The following GLB1 variants were observed in gnomAD, a reference collection of about 807,000 sequenced individuals.
The protein encoded by GLB1 is galactosidase beta 1, also known as beta-galactosidase.
A neutral mutation model predicts 74.0 loss-of-function variants in GLB1; 56 were observed. The ratio of observed to expected loss-of-function variants is 0.76; its 90% CI spans 0.61 to 0.94. GLB1 has a LOEUF of 0.94. Ranked by LOEUF, GLB1 falls within the 40% of genes least tolerant of loss-of-function variation. The pLI is 0.00. For missense variants in GLB1, 787 were observed against 845.5 expected, an observed-to-expected ratio of 0.93 and a Z score of 0.86; for synonymous variants, 323 against 323.6, an observed-to-expected ratio of 1.00 and a Z score of 0.02.
At chr3:32,971,431 T>C in the GLB1 span, among the ~76,000 whole-genome samples, 15 of 152,318 alleles carry the variant, frequency 9.8e-5, no homozygotes, top group African/African-American at 2.6e-4. Context: ...CAAAAACTTA[T>C]TTGCTCAGCT....
intron 10 of GLB1, among the ~76,000 whole-genome samples, chr3:33,042,773 G>A (rs891637518): frequency 1.3e-5 from 2 of 152,162 alleles, no homozygotes; most frequent in African/African-American, 4.8e-5. Context: ...GCTGCATTCT[G>A]CCTGGAATGC....
At chr3:33,060,471 T>A (rs1165682163) in intron 5 of GLB1, among the ~76,000 whole-genome samples, 1 of 152,222 alleles carries the variant, frequency 6.6e-6, no homozygotes, top group East Asian at 1.9e-4. Flanking sequence ...GTCTCCTTTT[T>A]ATCATCTGGC....
At chr3:33,091,862 C>G in intron 1 of GLB1, 1 of 985,454 alleles carries the variant, frequency 1.0e-6, no homozygotes, top group Non-Finnish European at 1.2e-6. Flanking sequence ...AACACGGGTG[C>G]TTATCTCCAT....
chr3:33,068,707 A>G, intron 3 of GLB1, 113 bp downstream of exon 3: 1 of 1,582,686 alleles, frequency 6.3e-7, no homozygotes, highest in Non-Finnish European at 8.6e-7. Context: ...TGCTGGGTAC[A>G]GTCCCAGGCC....
intron 9 of GLB1, among the ~76,000 whole-genome samples, chr3:33,050,956 C>T (rs1698948779): frequency 1.3e-5 from 2 of 152,210 alleles, no homozygotes; most frequent in African/African-American, 4.8e-5. Context: ...TGTCCAGGCG[C>T]AGTGGCTCAC....
At chr3:33,088,658 AC>A (rs773260869) in intron 1 of GLB1, among the ~76,000 whole-genome samples, 90 of 152,334 alleles carry the variant, frequency 5.9e-4, no homozygotes, top group African/African-American at 2.1e-3. Flanking sequence ...AATGGAAAAA[AC>A]ATCCTATGTT....
the GLB1 span, among the ~76,000 whole-genome samples, chr3:32,975,231 A>G: frequency 1.3e-5 from 2 of 152,000 alleles, no homozygotes; most frequent in Non-Finnish European, 2.9e-5. Context: ...ACAGGCATAC[A>G]CTACCATGCC....
intron 1 of GLB1, among the ~76,000 whole-genome samples, chr3:33,083,888 G>A (rs1294221486): frequency 2.0e-5 from 3 of 152,144 alleles, no homozygotes; most frequent in African/African-American, 2.4e-5. Context: ...ATCAGGTAAT[G>A]TGAACATCCC....
At chr3:33,022,251 A>G (rs1697520691) in intron 11 of GLB1, among the ~76,000 whole-genome samples, 1 of 152,180 alleles carries the variant, frequency 6.6e-6, no homozygotes, top group Non-Finnish European at 1.5e-5. Flanking sequence ...AACATAGTAA[A>G]TGCCTGGTAA....
At chr3:33,044,291 A>G (rs1193267390) in intron 10 of GLB1, among the ~76,000 whole-genome samples, 1 of 152,198 alleles carries the variant, frequency 6.6e-6, no homozygotes, top group Non-Finnish European at 1.5e-5. Flanking sequence ...ACTTATTTCC[A>G]GTAATTTAAA....
At position 33,097,012 on chromosome 3, in the gene GLB1, CGCAAGCCGCGCGTAGGGCCCAGAA is replaced by C; in HGVS notation, c.50_73del (p.Leu17_Leu24del). On this transcript the variant is annotated inframe_deletion and splice_region_variant, in exon 1 of 16. Coordinates refer to ENST00000307363, the MANE Select transcript of GLB1 (RefSeq NM_000404.4). The stretch of plus-strand genomic sequence containing the variant: ...CGTACCCGGGTCCCGCAGACTTACG[CGCAAGCCGCGCGTAGGGCCCAGAA>C]GCAGCAGAACCAGCAACAGAGGGAG... The C allele has an allele frequency of 6.2e-7, 1 of 1,611,820 alleles. No individual in the cohort carries two copies. The highest frequency in any genetic ancestry group is 8.5e-7 in the Non-Finnish European group (1 of 1,178,830).
At chr3:33,019,142 A>G (rs1697365175) in intron 12 of GLB1, among the ~76,000 whole-genome samples, 3 of 151,978 alleles carry the variant, frequency 2.0e-5, no homozygotes, top group South Asian at 4.2e-4. Flanking sequence ...CTCATCTCTA[A>G]TAATAATAAT....
rs746725613 is a variant in GLB1 at position 33,018,467 on chromosome 3, G to A, written c.1328C>T (p.Ala443Val). Residue 443 changes from alanine to valine, a missense_variant, in exon 13 of 16, where the codon GCA becomes GTA. Physicochemically the swap from Ala to Val is moderately conservative, Grantham distance 64 (BLOSUM62 0). Coordinates refer to ENST00000307363, the MANE Select transcript of GLB1 (RefSeq NM_000404.4). ...TCTTACCCCATCCACAGCAACATAT[G>A]CTCGATCGTGGACTCCATTGAGGGG... is the stretch of plus-strand genomic sequence containing the variant. ...SSPLNGVHDR[A>V]YVAVDGIPQG... is the part of the protein sequence containing the mutation. 2 of 1,614,056 alleles carry A rather than the reference G, an allele frequency of 1.2e-6. No homozygotes were observed. Among genetic ancestry groups the A allele is most frequent in the South Asian group, 2.2e-5 (2 of 91,072 alleles).
intron 10 of GLB1, among the ~76,000 whole-genome samples, chr3:33,031,275 T>C (rs1575428405): frequency 6.6e-6 from 1 of 152,144 alleles, no homozygotes. Flanking sequence ...TCCAATTTCC[T>C]TTACTTGATG....
intron 15 of GLB1, among the ~76,000 whole-genome samples, chr3:33,006,193 C>T (rs1359227687): frequency 1.3e-5 from 2 of 151,638 alleles, no homozygotes; most frequent in Non-Finnish European, 2.9e-5. Context: ...AGGCCACAGA[C>T]TGGTCTGCGG....
At chr3:32,961,360 T>C in the GLB1 span, among the ~76,000 whole-genome samples, 1 of 152,112 alleles carries the variant, frequency 6.6e-6, no homozygotes, top group African/African-American at 2.4e-5. Flanking sequence ...TGGTAAGAGA[T>C]GGAGCAGGGA....
At chr3:33,035,307 C>A (rs1698224538) in intron 10 of GLB1, among the ~76,000 whole-genome samples, 1 of 151,994 alleles carries the variant, frequency 6.6e-6, no homozygotes, top group Non-Finnish European at 1.5e-5. Flanking sequence ...TGGCGCACAC[C>A]TGTAGTTCTA....
chr3:33,080,933 A>G (rs963776357), intron 1 of GLB1, among the ~76,000 whole-genome samples: 8 of 152,206 alleles, frequency 5.3e-5, no homozygotes, highest in African/African-American at 1.9e-4. Flanking sequence ...GCTGGTGCTA[A>G]GTGGGGTGGT....
At position 33,053,564 on chromosome 3, in the gene GLB1, A is replaced by AAC. The variant is rs1699089399; in HGVS notation, c.734-16_734-15insGT. Reference sequence around the variant, plus strand: ...GATGTTGCTGCCTGAAAATTGTAAGAGGGAGAAGGTAGGTCAGTCGTGGAA... The same window carrying AAC: ...GATGTTGCTGCCTGAAAATTGTAAGAACGGGAGAAGGTAGGTCAGTCGTGGAA... On this transcript the variant is annotated splice_polypyrimidine_tract_variant and intron_variant, in intron 6 of 15. Transcript: ENST00000307363. 1 of 1,614,166 alleles carries AAC rather than the reference A, an allele frequency of 6.2e-7. No individual in the cohort carries two copies. The highest frequency in any genetic ancestry group is 1.7e-5 in the Admixed American group (1 of 60,022).
Sources: allele counts gnomAD v4.1 joint callset (sites outside exome capture counted in the v4.1 genomes callset), GRCh38; gene constraint gnomAD v4.1.1; transcripts MANE v1.5; gene names NCBI Gene and HGNC (gene_info 2026-07-23, HGNC 2026-07-21).